Variants in MDGA2 observed in about 807,000 individuals in gnomAD.
The protein encoded by MDGA2 is MAM domain-containing glycosylphosphatidylinositol anchor protein 2.
Under a neutral mutation model 117.8 loss-of-function variants are expected in MDGA2, and 40 were observed. That is an observed-to-expected ratio of 0.34 (90% confidence interval 0.26 to 0.44). The LOEUF is 0.44. Among genes scored for constraint, MDGA2 ranks in the 20% least tolerant of loss-of-function variants. The pLI is 1.00. For synonymous variants in MDGA2, 452 were observed against 439.0 expected (o/e 1.03, Z -0.37); for missense variants, 1,123 against 1,250.6 (o/e 0.90, Z 1.54).
At chr14:47,668,986 T>C (rs1439852123) in intron 1 of MDGA2, among the ~76,000 whole-genome samples, 1 of 152,156 alleles carries the variant, frequency 6.6e-6, no homozygotes, top group Non-Finnish European at 1.5e-5. Context: ...GAGTGATGAA[T>C]CGCCTCTATA....
intron 14 of MDGA2, among the ~76,000 whole-genome samples, chr14:46,869,752 G>C (rs957753800): frequency 2.6e-5 from 4 of 151,802 alleles, no homozygotes; most frequent in Non-Finnish European, 5.9e-5. Flanking sequence ...AAAATCCTGG[G>C]CATGCATTCT....
chr14:47,550,468 T>C (rs1895559717), intron 1 of MDGA2, among the ~76,000 whole-genome samples: 1 of 152,200 alleles, frequency 6.6e-6, no homozygotes, highest in Non-Finnish European at 1.5e-5. Flanking sequence ...TCTATAAATA[T>C]AAAACCACTA....
In MDGA2 at chr14:47,529,364, T is replaced by C. The variant is rs1026975125; in HGVS notation, c.280+145153A>G. On this transcript the variant is annotated intron_variant, in intron 1 of 16. Transcript: ENST00000399232. Reference sequence around the variant, plus strand: ...ATTTATTTTTAATTTTGTGAGTACATAGCAGGTATATATATTTATGGGAGT... The same window carrying C: ...ATTTATTTTTAATTTTGTGAGTACACAGCAGGTATATATATTTATGGGAGT... Among the ~76,000 whole-genome samples, 118 of 152,290 alleles carry C rather than the reference T, an allele frequency of 7.7e-4. 1 individual carries two copies. The highest frequency in any genetic ancestry group is 2.7e-3 in the African/African-American group (113 of 41,568).
intron 3 of MDGA2, among the ~76,000 whole-genome samples, chr14:47,179,443 G>A (rs1017504171): frequency 6.6e-6 from 1 of 151,416 alleles, no homozygotes; most frequent in African/African-American, 2.4e-5. Context: ...TTGTATTATT[G>A]CAAGTAAACT....
intron 2 of MDGA2, among the ~76,000 whole-genome samples, chr14:47,247,428 C>T (rs115683108): frequency 0.035 from 5,226 of 150,880 alleles, 221 homozygotes; most frequent in East Asian, 0.18. Flanking sequence ...CCTCCGCCTC[C>T]TTGGTAGCTG....
intron 11 of MDGA2, among the ~76,000 whole-genome samples, chr14:46,879,300 C>G (rs993138423): frequency 6.6e-6 from 1 of 152,004 alleles, no homozygotes; most frequent in African/African-American, 2.4e-5. Flanking sequence ...GCTAACTATG[C>G]CAGTGCTTTG....
At chr14:47,068,617 T>C (rs1340574917) in intron 6 of MDGA2, among the ~76,000 whole-genome samples, 1 of 151,954 alleles carries the variant, frequency 6.6e-6, no homozygotes, top group Non-Finnish European at 1.5e-5. Flanking sequence ...ACCTTTTCTA[T>C]CAAATTTAAT....
chr14:47,345,123 T>TA (rs965464341), intron 1 of MDGA2, among the ~76,000 whole-genome samples: 8 of 151,994 alleles, frequency 5.3e-5, no homozygotes, highest in Admixed American at 3.9e-4. Context: ...TCAAAACCAA[T>TA]AAAAAAAGGA....
intron 6 of MDGA2, among the ~76,000 whole-genome samples, chr14:47,090,218 G>A (rs1320758288): frequency 6.6e-6 from 1 of 152,016 alleles, no homozygotes; most frequent in East Asian, 1.9e-4. Flanking sequence ...CTTTTTGGAA[G>A]AGAGTTATAA....
chr14:47,289,345 ACT>A, intron 2 of MDGA2, among the ~76,000 whole-genome samples: 1 of 148,542 alleles, frequency 6.7e-6, no homozygotes, highest in Non-Finnish European at 1.5e-5. Flanking sequence ...ACACGCACAC[ACT>A]CTCATACTTA....
rs146632630 is a variant in MDGA2, at chr14:46,844,754, T to C, written c.2989+1012A>G. Among the ~76,000 whole-genome samples the C allele has an allele frequency of 3.9e-3, 595 of 152,232 alleles. 3 individuals are homozygous for C. The highest frequency in any genetic ancestry group is 5.8e-3 in the Non-Finnish European group (395 of 67,996). On this transcript the variant is annotated intron_variant, in intron 16 of 16. Coordinates refer to ENST00000399232, the MANE Select transcript of MDGA2 (RefSeq NM_001113498.3). ...GGAGAGACCAAATCTCATCTTGAAATATAATCCGCATAATCCCCATGTTTC... is the reference window on the plus strand; with the variant it reads ...GGAGAGACCAAATCTCATCTTGAAACATAATCCGCATAATCCCCATGTTTC...
At chr14:46,859,182 T>C (rs1381722150) in intron 14 of MDGA2, among the ~76,000 whole-genome samples, 1 of 152,176 alleles carries the variant, frequency 6.6e-6, no homozygotes, top group African/African-American at 2.4e-5. Context: ...CTTTCTGGTT[T>C]CATTGTGCTG....
intron 1 of MDGA2, among the ~76,000 whole-genome samples, chr14:47,373,794 G>A (rs1594823212): frequency 6.6e-6 from 1 of 152,170 alleles, no homozygotes; most frequent in Non-Finnish European, 1.5e-5. Flanking sequence ...ATTCAATGTT[G>A]GCCTGAAATG....
chr14:46,963,632 A>T (rs1885898249), intron 8 of MDGA2, among the ~76,000 whole-genome samples: 1 of 152,180 alleles, frequency 6.6e-6, no homozygotes, highest in Non-Finnish European at 1.5e-5. Flanking sequence ...GCTCATTCTC[A>T]TCATTCAGAT....
chr14:46,890,557 G>A (rs1405691263), intron 10 of MDGA2, among the ~76,000 whole-genome samples: 1 of 152,042 alleles, frequency 6.6e-6, no homozygotes, highest in Non-Finnish European at 1.5e-5. Context: ...GGTAAAGACA[G>A]CATTGAATGT....
intron 12 of MDGA2, among the ~76,000 whole-genome samples, chr14:46,875,451 T>C (rs1018027374): frequency 5.3e-5 from 8 of 151,730 alleles, no homozygotes; most frequent in Non-Finnish European, 1.0e-4. Context: ...ATATTCTGGG[T>C]AGGTAATGTT....
At chr14:47,618,831 G>C (rs1896994183) in intron 1 of MDGA2, among the ~76,000 whole-genome samples, 1 of 152,066 alleles carries the variant, frequency 6.6e-6, no homozygotes, top group Non-Finnish European at 1.5e-5. Context: ...TGAAATTCCA[G>C]TACCACAACT....
intron 1 of MDGA2, among the ~76,000 whole-genome samples, chr14:47,372,092 C>T (rs1393634505): frequency 2.6e-5 from 4 of 151,522 alleles, no homozygotes; most frequent in African/African-American, 9.7e-5. Context: ...TTACTGAATA[C>T]CTTAGAAACA....
chr14:47,048,204 T>A (rs556824585), intron 7 of MDGA2, among the ~76,000 whole-genome samples: 1 of 152,026 alleles, frequency 6.6e-6, no homozygotes, highest in Admixed American at 6.6e-5. Context: ...GGTGTTGCCA[T>A]GAAAACCAGG....
Sources: allele counts gnomAD v4.1 joint callset (sites outside exome capture counted in the v4.1 genomes callset), GRCh38; gene constraint gnomAD v4.1.1; transcripts MANE v1.5; gene names NCBI Gene and HGNC (gene_info 2026-07-23, HGNC 2026-07-21).